The following ZNF608 variants were observed in gnomAD, a reference collection of about 807,000 sequenced individuals.
ZNF608 encodes the protein renal carcinoma antigen NY-REN-36.
In ZNF608, 12 loss-of-function variants were observed where a neutral mutation model predicts 109.0. That is an observed-to-expected ratio of 0.11 (90% CI 0.07 to 0.18). ZNF608 has a LOEUF of 0.18. ZNF608 is among the 10% of genes least tolerant of loss of function. ZNF608 has a pLI of 1.00. For synonymous variants in ZNF608, 732 were observed against 717.4 expected (o/e 1.02, Z -0.33); for missense variants, 1,707 against 1,879.3 (o/e 0.91, Z 1.70).
chr5:124,696,650 T>C (rs189450921), intron 3 of ZNF608, among the ~76,000 whole-genome samples: 2 of 152,286 alleles, frequency 1.3e-5, no homozygotes, highest in East Asian at 3.9e-4. Flanking sequence ...GGAGTTCATG[T>C]TGAGGAGCAA....
intron 3 of ZNF608, among the ~76,000 whole-genome samples, chr5:124,654,446 C>T (rs987927079): frequency 1.3e-5 from 2 of 152,180 alleles, no homozygotes; most frequent in African/African-American, 4.8e-5. Context: ...AGTTAAAGTT[C>T]CTAATGAATT....
At chr5:124,748,686 A>G (rs1020611278), upstream of ZNF608, 26 of 632,058 alleles carry the variant, frequency 4.1e-5, no homozygotes, top group Non-Finnish European at 5.1e-5. Flanking sequence ...TGTATTTTTT[A>G]TAAAAGCAAA....
chr5:124,734,206 T>C (rs1367180295), intron 2 of ZNF608, among the ~76,000 whole-genome samples: 2 of 152,156 alleles, frequency 1.3e-5, no homozygotes, highest in Non-Finnish European at 2.9e-5. Context: ...AAGGCACCAG[T>C]AAATTTCGCC....
At chr5:124,734,021 T>TA (rs1400498894) in intron 2 of ZNF608, among the ~76,000 whole-genome samples, 1 of 151,970 alleles carries the variant, frequency 6.6e-6, no homozygotes, top group African/African-American at 2.4e-5. Flanking sequence ...TAAAGATGTT[T>TA]AAAAAAAACT....
chr5:124,638,022 C>A (rs1750056656), intron 9 of ZNF608, 116 bp from the exon 10 acceptor site: 2 of 1,067,570 alleles, frequency 1.9e-6, no homozygotes, highest in African/African-American at 1.6e-5. Context: ...TCAATCTCGG[C>A]TCACCGCAAC....
chr5:124,667,016 G>C lies in ZNF608; in HGVS notation c.1163-17319C>G, dbSNP rs188342815. 3.9e-5 allele frequency among the ~76,000 whole-genome samples: 6 copies of C among 152,226 alleles called. No homozygotes were observed. In the East Asian group the frequency reaches 1.2e-3, roughly 29 times the overall value. ...TATATGAGTAAATATGGCCAGTACA[G>C]ATGCAGAAGGTATCCTCTGGAGCAG... is the stretch of plus-strand genomic sequence containing the variant. On this transcript the variant is annotated intron_variant, in intron 3 of 9. Coordinates refer to ENST00000513986, the MANE Select transcript of ZNF608 (RefSeq NM_020747.3).
chr5:124,747,115 C>CCT (rs1749667011), upstream of ZNF608, among the ~76,000 whole-genome samples: 1 of 151,196 alleles, frequency 6.6e-6, no homozygotes, highest in Non-Finnish European at 1.5e-5. Context: ...TCGCTCAGGT[C>CCT]AGCCAGTCAT....
Position 124,644,339 on chromosome 5 carries a change from A to G in ZNF608, c.4028T>C (p.Ile1343Thr). The change falls in exon 6 of 10, where the codon ATA becomes ACA. Residue 1343 changes from isoleucine (I) to threonine (T), a missense_variant. Around this residue, in one of 7 missense-constraint regions of ZNF608, gnomAD observed 1,073 missense variants for 1,133.5 expected, o/e 0.95. Coordinates refer to ENST00000513986, the MANE Select transcript of ZNF608 (RefSeq NM_020747.3). ...SSPMSQHQSYIQYLHAYPYPQ... is the reference protein window; with the variant it reads ...SSPMSQHQSYTQYLHAYPYPQ... ...GTAAGGATAAGCATGCAAGTACTGT[A>G]TGTATGACTGATGCTGACTCATGGG... The G allele has an allele frequency of 6.8e-6, 11 of 1,614,180 alleles. No individual in the cohort carries two copies. Among genetic ancestry groups the G allele is most frequent in the Non-Finnish European group, 9.3e-6 (11 of 1,180,026 alleles).
intron 3 of ZNF608, among the ~76,000 whole-genome samples, chr5:124,668,958 A>C (rs1257996754): frequency 6.6e-6 from 1 of 152,248 alleles, no homozygotes; most frequent in Non-Finnish European, 1.5e-5. Flanking sequence ...TTAGCAAGAC[A>C]GCCAAACCCA....
chr5:124,741,751 C>T (rs1749416212), intron 2 of ZNF608, among the ~76,000 whole-genome samples: 1 of 152,130 alleles, frequency 6.6e-6, no homozygotes, highest in African/African-American at 2.4e-5. Context: ...GGGTGGCATT[C>T]ATGCAAGGGA....
chr5:124,709,170 CAAAAAAAA>C lies in ZNF608; in HGVS notation c.907-7909_907-7902del, dbSNP rs1156276798. 2.8e-3 allele frequency among the ~76,000 whole-genome samples: 90 copies of C among 32,712 alleles called. 1 individual carries two copies. Among genetic ancestry groups the C allele is most frequent in the East Asian group, 0.012 (10 of 824 alleles). 21.5% of individuals were successfully genotyped at this position (32,712 alleles called of 152,430 possible). Reference sequence around the variant, plus strand: ...TGGGCAACAGAGAGAGACTCTGTCTCAAAAAAAAAAAAAAAAAAAAAAAAAAAATCTGG... The same window carrying C: ...TGGGCAACAGAGAGAGACTCTGTCTCAAAAAAAAAAAAAAAAAAAATCTGG... On this transcript the variant is annotated intron_variant, in intron 2 of 9. Coordinates refer to ENST00000513986, the MANE Select transcript of ZNF608 (RefSeq NM_020747.3).
At chr5:124,703,643 G>A (rs986534496) in intron 2 of ZNF608, among the ~76,000 whole-genome samples, 18 of 152,206 alleles carry the variant, frequency 1.2e-4, no homozygotes, top group African/African-American at 3.6e-4. Context: ...GGTGGCATGC[G>A]AGTAGTCCCA....
At chr5:124,717,723 A>G (rs1273614643) in intron 2 of ZNF608, among the ~76,000 whole-genome samples, 2 of 152,144 alleles carry the variant, frequency 1.3e-5, no homozygotes, top group African/African-American at 2.4e-5. Flanking sequence ...TTAACTCAAG[A>G]CCACAGGAGT....
At position 124,701,129 on chromosome 5, in the gene ZNF608, A is replaced by G; in HGVS notation, c.1047T>C (p.Ser349=). Residue 349 remains serine, a synonymous_variant, in exon 3 of 10, where the codon TCT becomes TCC. Coordinates refer to ENST00000513986, the MANE Select transcript of ZNF608 (RefSeq NM_020747.3). ...PVEQLLVRTR[S]VGVNTCEVGV... ...CAACTTCACATGTATTGACACCCAC[A>G]GAACGAGTCCGAACCAAAAGCTGTT... The G allele has an allele frequency of 3.1e-6, 5 of 1,614,202 alleles. No individual in the cohort carries two copies. In the South Asian group the frequency reaches 4.4e-5, roughly 14 times the overall value.
Position 124,745,017 on chromosome 5 carries a change from A to T in ZNF608, c.-28T>A. 6.4e-7 allele frequency: 1 copy of T among 1,562,834 alleles called. No individual in the cohort carries two copies. The highest frequency in any genetic ancestry group is 1.4e-5 in the African/African-American group (1 of 73,214). On this transcript the variant is annotated 5_prime_UTR_variant, in exon 2 of 10. Transcript: ENST00000513986. ...TGAAGATGAGCTCTCTAGAATAAAA[A>T]TCCGATGAACTTTTCTTTGGAGATG...
At chr5:124,674,141 G>A (rs1751841318) in intron 3 of ZNF608, among the ~76,000 whole-genome samples, 1 of 152,122 alleles carries the variant, frequency 6.6e-6, no homozygotes, top group Admixed American at 6.6e-5. Flanking sequence ...TGTAGATTCT[G>A]GTGTGGTATC....
At chr5:124,645,812 G>C (rs1212618511) in intron 5 of ZNF608, among the ~76,000 whole-genome samples, 1 of 151,940 alleles carries the variant, frequency 6.6e-6, no homozygotes, top group African/African-American at 2.4e-5. Context: ...CTGAGTTTTG[G>C]GGTACTTAAT....
chr5:124,689,130 G>C (rs541408519), intron 3 of ZNF608, among the ~76,000 whole-genome samples: 2 of 152,272 alleles, frequency 1.3e-5, no homozygotes, highest in Non-Finnish European at 2.9e-5. Flanking sequence ...CAGGCATACT[G>C]GGTCATGCCC....
intron 7 of ZNF608, among the ~76,000 whole-genome samples, chr5:124,642,613 G>A (rs1750293030): frequency 6.6e-6 from 1 of 151,930 alleles, no homozygotes; most frequent in Admixed American, 6.6e-5. Context: ...CATTGATGGG[G>A]AGCAGCACAT....
Sources: gnomAD v4.1 joint callset for allele counts (sites outside exome capture counted in the v4.1 genomes callset) on GRCh38, gnomAD v4.1.1 for gene constraint, gnomAD v4.1.1 regional missense constraint, MANE v1.5 for transcripts, NCBI Gene and HGNC (gene_info 2026-07-23, HGNC 2026-07-21) for gene names.